ACSM3: variants seen among roughly 807,000 people sequenced by gnomAD.
The protein encoded by ACSM3 is acyl-CoA synthetase medium chain family member 3.
A neutral mutation model predicts 74.1 loss-of-function variants in ACSM3; 61 were observed. The observed-to-expected ratio is 0.82, with a 90% CI of 0.67 to 1.02. ACSM3 has a LOEUF of 1.02. Among genes scored for constraint, ACSM3 ranks in the 50% least tolerant of loss-of-function variants. The pLI, the probability that ACSM3 is intolerant of heterozygous loss-of-function variation, is 0.00. For synonymous variants in ACSM3, 213 were observed against 241.5 expected (o/e 0.88, Z 1.09); for missense variants, 660 against 697.0 (o/e 0.95, Z 0.60).
intron 1 of ACSM3, among the ~76,000 whole-genome samples, chr16:20,697,425 C>T (rs1426925143): frequency 2.0e-5 from 3 of 152,122 alleles, no homozygotes; most frequent in Non-Finnish European, 2.9e-5. Flanking sequence ...ATTACATGTA[C>T]GTTCCTATTT....
chr16:20,731,146 G>C (rs2079828055), intron 1 of ACSM3, among the ~76,000 whole-genome samples: 1 of 152,188 alleles, frequency 6.6e-6, no homozygotes, highest in South Asian at 2.1e-4. Context: ...GATTATAGGT[G>C]TAAGCCACTA....
chr16:20,786,869 C>T (rs1052490666), intron 9 of ACSM3, among the ~76,000 whole-genome samples: 1 of 152,182 alleles, frequency 6.6e-6, no homozygotes, highest in African/African-American at 2.4e-5. Flanking sequence ...CACTCTTAAC[C>T]ACAACACAAC....
At chr16:20,715,535 T>C (rs535713225) in intron 1 of ACSM3, among the ~76,000 whole-genome samples, 2 of 151,966 alleles carry the variant, frequency 1.3e-5, no homozygotes, top group South Asian at 4.2e-4. Flanking sequence ...ACCTGGGATG[T>C]GGAGGTTGCA....
intron 9 of ACSM3, among the ~76,000 whole-genome samples, chr16:20,786,890 T>G (rs9933774): frequency 0.43 from 64,906 of 152,054 alleles, 16,399 homozygotes; most frequent in Non-Finnish European, 0.58. Context: ...ACTGGTCCTC[T>G]CAGGCAAGGG....
intron 1 of ACSM3, chr16:20,764,652 G>A (rs2080107191): frequency 6.6e-6 from 1 of 152,196 alleles, no homozygotes; most frequent in Non-Finnish European, 1.5e-5. Flanking sequence ...GAACCTGGGA[G>A]GTGGAGTTTG....
Position 20,786,106 on chromosome 16 carries a change from T to G in ACSM3, c.1172T>G (p.Met391Arg). The G allele has an allele frequency of 1.2e-6, 2 of 1,601,456 alleles. No individual in the cohort carries two copies. Among genetic ancestry groups the G allele is most frequent in the Admixed American group, 1.7e-5 (1 of 57,224 alleles). Residue 391 changes from methionine (M) to arginine (R), a missense_variant, in exon 9 of 14, where the codon ATG becomes AGG. Met to Arg is a moderately conservative substitution (Grantham distance 91, BLOSUM62 -1). Transcript: ENST00000289416. ...CTAATCTGTGGAAATTTTAAGGGAA[T>G]GAAAATTAAACCTGGCTCAATGGGA... Reference protein sequence around the residue: ...TVLICGNFKGMKIKPGSMGKP... With the variant: ...TVLICGNFKGRKIKPGSMGKP...
intron 1 of ACSM3, among the ~76,000 whole-genome samples, chr16:20,676,917 G>A (rs1250819284): frequency 6.6e-6 from 1 of 152,018 alleles, no homozygotes; most frequent in Admixed American, 6.5e-5. Flanking sequence ...AGAAACCCAA[G>A]ACTCCCTGCA....
chr16:20,715,732 A>G (rs577551243), intron 1 of ACSM3, among the ~76,000 whole-genome samples: 5 of 152,242 alleles, frequency 3.3e-5, no homozygotes, highest in African/African-American at 4.8e-5. Context: ...AGAAATTAAG[A>G]CTACGATACA....
At chr16:20,729,824 T>C (rs2079820193) in intron 1 of ACSM3, among the ~76,000 whole-genome samples, 1 of 151,990 alleles carries the variant, frequency 6.6e-6, no homozygotes, top group Non-Finnish European at 1.5e-5. Context: ...AAATGACAAG[T>C]ATTCAAGTAC....
At chr16:20,678,683 G>T (rs544490228) in intron 1 of ACSM3, among the ~76,000 whole-genome samples, 10 of 152,230 alleles carry the variant, frequency 6.6e-5, no homozygotes, top group Non-Finnish European at 1.0e-4. Flanking sequence ...GGCTGAAATA[G>T]TTCAGGACTT....
At chr16:20,741,481 G>GGGGGGGGGGGGGGCGCCCCCCCCCCCCCC in intron 1 of ACSM3, 1 of 1,308,414 alleles carries the variant, frequency 7.6e-7, no homozygotes, top group Non-Finnish European at 9.9e-7. Context: ...CTGGCAGCCG[G>GGGGGGGGGGGGGGCGCCCCCCCCCCCCCC]CCCGCCCGCC....
intron 2 of ACSM3, among the ~76,000 whole-genome samples, chr16:20,771,160 C>G (rs1451102594): frequency 6.6e-6 from 1 of 152,182 alleles, no homozygotes; most frequent in Non-Finnish European, 1.5e-5. Flanking sequence ...CTCATGAGTT[C>G]AAGCAATTCT....
chr16:20,743,070 C>G (rs912670169), intron 1 of ACSM3, among the ~76,000 whole-genome samples: 1 of 151,348 alleles, frequency 6.6e-6, no homozygotes, highest in Non-Finnish European at 1.5e-5. Context: ...TCCCGAGTAG[C>G]TGGGACTACA....
chr16:20,690,483 G>C (rs541770855), intron 1 of ACSM3, among the ~76,000 whole-genome samples: 14 of 152,298 alleles, frequency 9.2e-5, no homozygotes, highest in African/African-American at 3.4e-4. Context: ...TTGACAAGGA[G>C]GAATCTAATT....
At chr16:20,758,643 G>A (rs973275838) in intron 3 of ACSM3, among the ~76,000 whole-genome samples, 30 of 152,010 alleles carry the variant, frequency 2.0e-4, no homozygotes, top group Admixed American at 6.6e-4. Flanking sequence ...AGTTCTGCTC[G>A]ATTTTAGTTA....
intron 10 of ACSM3, 122 bp from the exon 11 acceptor site, chr16:20,791,880 A>G (rs2080605955): frequency 2.6e-6 from 3 of 1,166,318 alleles, no homozygotes; most frequent in Middle Eastern, 2.3e-4. Context: ...GTAAGCCAAG[A>G]TCGTACTACT....
intron 1 of ACSM3, among the ~76,000 whole-genome samples, chr16:20,740,604 C>T (rs929337517): frequency 3.3e-5 from 5 of 152,158 alleles, no homozygotes; most frequent in African/African-American, 4.8e-5. Flanking sequence ...TTTTATCTAG[C>T]TCAGCAGCAT....
intron 2 of ACSM3, among the ~76,000 whole-genome samples, chr16:20,753,026 T>G (rs1258687044): frequency 6.6e-6 from 1 of 152,144 alleles, no homozygotes; most frequent in Non-Finnish European, 1.5e-5. Flanking sequence ...ATGCCGTATG[T>G]TCTACAATGA....
chr16:20,716,084 C>G (rs1464258208), intron 1 of ACSM3, among the ~76,000 whole-genome samples: 1 of 152,168 alleles, frequency 6.6e-6, no homozygotes, highest in African/African-American at 2.4e-5. Context: ...CTTCTTGAGG[C>G]CTAGGCTGAG....
Sources: gnomAD v4.1 joint callset for allele counts (sites outside exome capture counted in the v4.1 genomes callset) on GRCh38, gnomAD v4.1.1 for gene constraint, MANE v1.5 for transcripts, NCBI Gene and HGNC (gene_info 2026-07-23, HGNC 2026-07-21) for gene names.